UGT1A10: variants seen among roughly 807,000 people sequenced by gnomAD.
UGT1A10 encodes the protein UDP-glucuronosyltransferase 1A10.
In UGT1A10, 49 loss-of-function variants were observed where a neutral mutation model predicts 45.8. The observed-to-expected ratio is 1.07, with a 90% CI of 0.85 to 1.36. The LOEUF (loss-of-function observed/expected upper bound fraction) is 1.36, where lower values mean the gene tolerates loss of function less well. Among genes scored for constraint, UGT1A10 ranks in the 40% most tolerant of loss-of-function variants. The pLI, the probability that UGT1A10 is intolerant of heterozygous loss-of-function variation, is 0.00. For missense variants in UGT1A10, 745 were observed against 668.6 expected (o/e 1.11, Z -1.26); for synonymous variants, 284 against 249.7 (o/e 1.14, Z -1.29).
At chr2:233,747,089 AC>A in intron 1 of UGT1A10, 1 of 1,215,556 alleles carries the variant, frequency 8.2e-7, no homozygotes, top group Non-Finnish European at 1.1e-6. Context: ...GGAGGAGAGC[AC>A]TCTATCTTCC....
At chr2:233,670,115 A>T (rs530435071) in intron 1 of UGT1A10, among the ~76,000 whole-genome samples, 3 of 152,244 alleles carry the variant, frequency 2.0e-5, no homozygotes, top group Admixed American at 2.0e-4. Context: ...CTGTATTATC[A>T]TAATGAAGTC....
chr2:233,654,220 A>G (rs974911581), intron 1 of UGT1A10, among the ~76,000 whole-genome samples: 3 of 152,240 alleles, frequency 2.0e-5, no homozygotes, highest in Admixed American at 2.0e-4. Context: ...AAACCTCCAA[A>G]TTAACCTATT....
chr2:233,739,424 C>T lies in UGT1A10; in HGVS notation c.856-27610C>T, dbSNP rs531347929. Among the ~76,000 whole-genome samples, 15 of 152,298 alleles carry T rather than the reference C, an allele frequency of 9.8e-5. No homozygotes were observed. In the South Asian group the frequency reaches 1.7e-3, roughly 17 times the overall value. ...TGCCACCCTCTGAAAGCAGCCAGGA[C>T]GAGGGCTTTACCCTGCAAAGCCACA... On this transcript the variant is annotated intron_variant, in intron 1 of 4. Transcript: ENST00000344644.
At chr2:233,725,486 A>G (rs1390783883) in intron 1 of UGT1A10, among the ~76,000 whole-genome samples, 10 of 152,080 alleles carry the variant, frequency 6.6e-5, no homozygotes, top group Non-Finnish European at 1.0e-4. Context: ...GAAACCAGCA[A>G]AAAGAAACCA....
chr2:233,727,334 C>G (rs2077606253), intron 1 of UGT1A10, among the ~76,000 whole-genome samples: 1 of 152,132 alleles, frequency 6.6e-6, no homozygotes, highest in South Asian at 2.1e-4. Context: ...GGAGCTCCTC[C>G]CTCCCCATAG....
intron 1 of UGT1A10, among the ~76,000 whole-genome samples, chr2:233,717,504 C>T (rs1170587826): frequency 6.6e-6 from 1 of 152,186 alleles, no homozygotes; most frequent in Non-Finnish European, 1.5e-5. Flanking sequence ...ATGTGGATTT[C>T]TAATGGGAGT....
rs144483920 is a variant in UGT1A10 at position 233,744,779 on chromosome 2, C to T, written c.856-22255C>T. On this transcript the variant is annotated intron_variant, in intron 1 of 4. Transcript: ENST00000344644. ...ATAGTTTTAACTTTGCAAAATTCTCCTGAAAAATTCTTGGGGATCCCTAGG... is the reference window on the plus strand; with the variant it reads ...ATAGTTTTAACTTTGCAAAATTCTCTTGAAAAATTCTTGGGGATCCCTAGG... Among the ~76,000 whole-genome samples, 38 of 151,988 alleles carry T rather than the reference C, an allele frequency of 2.5e-4. 2 individuals are homozygous for T. In the East Asian group the frequency reaches 6.6e-3, roughly 26 times the overall value.
chr2:233,769,826 G>A lies in UGT1A10; in HGVS notation c.1295+1387G>A. ...GCCGTGATCATGCCACTGCACTCCA[G>A]CAACCTGGGCAACAGAGTGAGACCC... On this transcript the variant is annotated intron_variant, in intron 4 of 4. Transcript: ENST00000344644. This position sits in a 1 kb window ranked among gnomAD's most constrained non-coding sequence, Gnocchi z 4.4. 1.5e-6 allele frequency: 1 copy of A among 678,694 alleles called. No individual in the cohort carries two copies. Among genetic ancestry groups the A allele is most frequent in the East Asian group, 3.3e-5 (1 of 29,888 alleles). The allele number at this position is 678,694 out of a possible 1,614,324, so 42.0% of individuals were successfully genotyped here.
At chr2:233,693,835 C>A (rs764583792) in intron 1 of UGT1A10, 2 of 1,614,056 alleles carry the variant, frequency 1.2e-6, no homozygotes, top group Non-Finnish European at 1.7e-6. Context: ...TTGGAGGTAT[C>A]AACTGTAAGA....
At position 233,654,130 on chromosome 2, in the gene UGT1A10, C is replaced by A. The variant is rs191316181; in HGVS notation, c.855+16753C>A. Among the ~76,000 whole-genome samples the A allele has an allele frequency of 2.7e-3, 410 of 151,906 alleles. 1 individual carries two copies. The highest frequency in any genetic ancestry group is 9.2e-3 in the African/African-American group (382 of 41,410). On this transcript the variant is annotated intron_variant, in intron 1 of 4. Coordinates refer to ENST00000344644, the MANE Select transcript of UGT1A10 (RefSeq NM_019075.4). ...TATGAAGATGAAATACATAGCATAG[C>A]AAATTGTAAAAATAATGCTGACAAT...
chr2:233,715,223 G>C (rs1337084443), intron 1 of UGT1A10, among the ~76,000 whole-genome samples: 1 of 152,008 alleles, frequency 6.6e-6, no homozygotes, highest in Non-Finnish European at 1.5e-5. Flanking sequence ...TACTGAATCT[G>C]CCCAATTCTG....
At chr2:233,680,104 G>A (rs1472100026) in intron 1 of UGT1A10, among the ~76,000 whole-genome samples, 1 of 151,922 alleles carries the variant, frequency 6.6e-6, no homozygotes, top group East Asian at 1.9e-4. Context: ...AATCATAGCG[G>A]CAGAGCTCAA....
At position 233,773,283 on chromosome 2, in the gene UGT1A10, A is replaced by G. The variant is rs1700573632; in HGVS notation, c.*724A>G. 6.6e-6 allele frequency: 1 copy of G among 152,180 alleles called. No homozygotes were observed. The highest frequency in any genetic ancestry group is 1.5e-5 in the Non-Finnish European group (1 of 68,034). 9.4% of individuals were successfully genotyped at this position (152,180 alleles called of 1,614,324 possible). Reference sequence around the variant, plus strand: ...TTCCTACAACTAAAAATAAATTAATAAATTTATATAAATTCTATTTAAGTG... The same window carrying G: ...TTCCTACAACTAAAAATAAATTAATGAATTTATATAAATTCTATTTAAGTG... On this transcript the variant is annotated 3_prime_UTR_variant, in exon 5 of 5. Coordinates refer to ENST00000344644, the MANE Select transcript of UGT1A10 (RefSeq NM_019075.4).
At position 233,734,054 on chromosome 2, in the gene UGT1A10, T is replaced by C. The variant is rs2078472293; in HGVS notation, c.856-32980T>C. Among the ~76,000 whole-genome samples the C allele has an allele frequency of 9.9e-5, 15 of 152,222 alleles. No homozygotes were observed. The South Asian group carries it at 3.1e-3, about 32-fold the overall frequency. The stretch of plus-strand genomic sequence containing the variant: ...CACACCAACATGGCACATGTATACA[T>C]ATGTAACAAACCTGCACATTGTGCA... On this transcript the variant is annotated intron_variant, in intron 1 of 4. Transcript: ENST00000344644.
chr2:233,713,178 C>T, intron 1 of UGT1A10: 1 of 1,614,224 alleles, frequency 6.2e-7, no homozygotes, highest in Non-Finnish European at 8.5e-7. Flanking sequence ...GGTCCTCACC[C>T]TGGAGGTGAA....
intron 1 of UGT1A10, among the ~76,000 whole-genome samples, chr2:233,681,085 G>A (rs908255468): frequency 6.6e-6 from 1 of 151,700 alleles, no homozygotes; most frequent in Non-Finnish European, 1.5e-5. Flanking sequence ...TGGCTCACCT[G>A]TGTCTCTGCA....
chr2:233,648,090 T>C (rs2084159228), intron 1 of UGT1A10: 4 of 1,511,242 alleles, frequency 2.6e-6, no homozygotes, highest in African/African-American at 1.4e-5. Context: ...CCCTGGAGGA[T>C]CTGGACCAGG....
chr2:233,698,631 C>T (rs913612995), intron 1 of UGT1A10, among the ~76,000 whole-genome samples: 7 of 152,176 alleles, frequency 4.6e-5, no homozygotes, highest in African/African-American at 1.4e-4. Flanking sequence ...TTTTGCCTAA[C>T]AGGTTAGTAA....
intron 1 of UGT1A10, among the ~76,000 whole-genome samples, chr2:233,748,430 T>A (rs1693942914): frequency 6.6e-6 from 1 of 151,778 alleles, no homozygotes; most frequent in Non-Finnish European, 1.5e-5. Flanking sequence ...CCATCTGGAT[T>A]TTTTGTTTGC....
Sources: allele counts gnomAD v4.1 joint callset (sites outside exome capture counted in the v4.1 genomes callset), GRCh38; gene constraint gnomAD v4.1.1; non-coding constraint Gnocchi (gnomAD v3.1); transcripts MANE v1.5; gene names NCBI Gene and HGNC (gene_info 2026-07-23, HGNC 2026-07-21).